The following VPS8 variants were observed in gnomAD, a reference collection of about 807,000 sequenced individuals.
The protein encoded by VPS8 is vacuolar protein sorting-associated protein 8 homolog.
Under a neutral mutation model 216.4 loss-of-function variants are expected in VPS8, and 129 were observed. That is an observed-to-expected ratio of 0.60 (90% confidence interval 0.52 to 0.69). The LOEUF is 0.69. Ranked by LOEUF, VPS8 falls within the 30% of genes least tolerant of loss-of-function variation. VPS8 has a pLI of 0.00. For synonymous variants in VPS8, 571 were observed against 565.4 expected (o/e 1.01, Z -0.14); for missense variants, 1,531 against 1,683.5 (o/e 0.91, Z 1.59).
At chr3:184,886,514 CACACAT>C (rs1361353593) in intron 22 of VPS8, among the ~76,000 whole-genome samples, 1 of 149,380 alleles carries the variant, frequency 6.7e-6, no homozygotes, top group Non-Finnish European at 1.5e-5. Context: ...TATATACACA[CACACAT>C]ACACATATAC....
In VPS8 at chr3:184,849,102, T is replaced by C; in HGVS notation, c.573T>C (p.Gly191=). The C allele has an allele frequency of 6.2e-7, 1 of 1,613,522 alleles. No individual in the cohort carries two copies. The highest frequency in any genetic ancestry group is 8.5e-7 in the Non-Finnish European group (1 of 1,179,546). ...ATCAAGCTTTGCGACTCTGTCTGGG[T>C]AGCACTAGTGTTGGAGGTCAGTATG... ...DQNQALRLCL[G]STSVGGQYGA... Residue 191 remains glycine, a synonymous_variant, in exon 9 of 48, where the codon GGT becomes GGC. Coordinates refer to ENST00000625842, the MANE Select transcript of VPS8 (RefSeq NM_001009921.3).
chr3:184,982,480 C>A, intron 40 of VPS8, 86 bp from the exon 41 acceptor site: 2 of 911,654 alleles, frequency 2.2e-6, no homozygotes, highest in Non-Finnish European at 3.4e-6. Context: ...ACCTGTAAAA[C>A]ATCATGCTGA....
intron 23 of VPS8, among the ~76,000 whole-genome samples, chr3:184,895,397 A>G (rs375488255): frequency 6.6e-6 from 1 of 152,008 alleles, no homozygotes; most frequent in East Asian, 1.9e-4. Flanking sequence ...AATACAGAGC[A>G]TGGTATATAA....
At chr3:185,033,334 A>G (rs975855296) in intron 46 of VPS8, among the ~76,000 whole-genome samples, 2 of 152,178 alleles carry the variant, frequency 1.3e-5, no homozygotes, top group Non-Finnish European at 2.9e-5. Flanking sequence ...TCTTTTTACT[A>G]TATCCATAGT....
chr3:184,958,372 A>T (rs993522007), intron 37 of VPS8, among the ~76,000 whole-genome samples: 1 of 152,194 alleles, frequency 6.6e-6, no homozygotes, highest in African/African-American at 2.4e-5. Flanking sequence ...AATAAAAGAC[A>T]TTTCTATAGA....
Position 184,926,540 on chromosome 3 carries a change from A to T in VPS8, c.2575-54A>T. 4 of 1,493,584 alleles carry T rather than the reference A, an allele frequency of 2.7e-6. No homozygotes were observed. In the South Asian group the frequency reaches 5.0e-5, roughly 19 times the overall value. The allele number at this position is 1,493,584 out of a possible 1,614,324, so 92.5% of individuals were successfully genotyped here. A position where few individuals can be genotyped will look rare whatever the true frequency, so the allele number is the denominator to read the frequency against. ...GGGTAGTTATTATTTTTATTATGAGAGTATTAATGTCTAGATGCTGATATC... is the reference window on the plus strand; with the variant it reads ...GGGTAGTTATTATTTTTATTATGAGTGTATTAATGTCTAGATGCTGATATC... On this transcript the variant is annotated intron_variant, in intron 30 of 47. Transcript: ENST00000625842.
rs973567695 is a variant in VPS8, at chr3:184,920,178, A to C, written c.2434A>C (p.Ile812Leu). Residue 812 changes from isoleucine (I) to leucine (L), a missense_variant, in exon 29 of 48, where the codon ATT (isoleucine) becomes CTT (leucine). Physicochemically the swap from Ile to Leu is conservative, Grantham distance 5. This residue lies in a region of VPS8 where 1,318 missense variants were observed against 1,468.4 expected (regional missense o/e 0.90). Coordinates refer to ENST00000625842, the MANE Select transcript of VPS8 (RefSeq NM_001009921.3). ...GCAAGCTGTGGAATATCAACAGCGA[A>C]TTGTGGATATTTTGTTGAAAGTAAG... ...DKQAVEYQQR[I>L]VDILLKVMVE... The C allele has an allele frequency of 7.2e-6, 11 of 1,524,240 alleles. No homozygotes were observed. The highest frequency in any genetic ancestry group is 1.4e-5 in the African/African-American group (1 of 72,094). 94.4% of individuals were successfully genotyped at this position (1,524,240 alleles called of 1,614,324 possible).
At chr3:184,993,150 A>G (rs1752137842) in intron 42 of VPS8, among the ~76,000 whole-genome samples, 1 of 152,178 alleles carries the variant, frequency 6.6e-6, no homozygotes, top group Admixed American at 6.5e-5. Context: ...TGCTCACAAT[A>G]TACCATTGAA....
At chr3:184,884,428 T>C (rs1730835336) in intron 21 of VPS8, among the ~76,000 whole-genome samples, 2 of 152,194 alleles carry the variant, frequency 1.3e-5, no homozygotes, top group Admixed American at 1.3e-4. Flanking sequence ...CTGCATAGTA[T>C]TTTCAGGATC....
chr3:184,986,879 T>C (rs567573851), intron 42 of VPS8, among the ~76,000 whole-genome samples: 3 of 152,354 alleles, frequency 2.0e-5, no homozygotes, highest in Non-Finnish European at 4.4e-5. Context: ...GTTAACATTT[T>C]TGTATTAGTG....
chr3:184,976,829 G>T (rs1293494596), intron 40 of VPS8, among the ~76,000 whole-genome samples: 1 of 152,178 alleles, frequency 6.6e-6, no homozygotes, highest in African/African-American at 2.4e-5. Flanking sequence ...ATTCCATGGT[G>T]TATATGTAAC....
intron 1 of VPS8, among the ~76,000 whole-genome samples, chr3:184,813,095 G>C (rs868468453): frequency 1.3e-5 from 2 of 152,152 alleles, no homozygotes; most frequent in Non-Finnish European, 2.9e-5. Context: ...CAAAATGGGG[G>C]TGCTTTACAG....
intron 1 of VPS8, among the ~76,000 whole-genome samples, chr3:184,814,661 A>G (rs564549947): frequency 5.3e-5 from 8 of 152,296 alleles, no homozygotes; most frequent in Non-Finnish European, 1.0e-4. Context: ...GGCACTTACC[A>G]TGGATGGAGT....
At chr3:184,819,507 C>T (rs1717081962) in intron 1 of VPS8, among the ~76,000 whole-genome samples, 1 of 152,248 alleles carries the variant, frequency 6.6e-6, no homozygotes, top group Non-Finnish European at 1.5e-5. Context: ...TAAGGGATAG[C>T]TGAAGCAGGA....
intron 42 of VPS8, among the ~76,000 whole-genome samples, chr3:184,990,847 A>T (rs1341654149): frequency 6.6e-6 from 1 of 152,182 alleles, no homozygotes; most frequent in Non-Finnish European, 1.5e-5. Flanking sequence ...AGAAGTGGTC[A>T]CATGATAAGA....
Position 184,854,184 on chromosome 3 carries a change from C to T in VPS8, c.1035+11C>T. The T allele has an allele frequency of 6.2e-7, 1 of 1,613,384 alleles. No individual in the cohort carries two copies. The highest frequency in any genetic ancestry group is 8.5e-7 in the Non-Finnish European group (1 of 1,179,562). On this transcript the variant is annotated intron_variant, in intron 13 of 47. Transcript: ENST00000625842. ...TTTCCCTATGGCCGGGTGAGTACGTCCCTCCATCTTATTTGCCAAAGGAAG... is the reference window on the plus strand; with the variant it reads ...TTTCCCTATGGCCGGGTGAGTACGTTCCTCCATCTTATTTGCCAAAGGAAG...
intron 23 of VPS8, among the ~76,000 whole-genome samples, chr3:184,896,899 G>A (rs1733591007): frequency 6.6e-6 from 1 of 152,184 alleles, no homozygotes; most frequent in Non-Finnish European, 1.5e-5. Flanking sequence ...TGAGGAGGCA[G>A]CATTGAGTCT....
intron 15 of VPS8, among the ~76,000 whole-genome samples, chr3:184,860,426 T>C (rs1726103574): frequency 6.7e-6 from 1 of 148,836 alleles, no homozygotes; most frequent in Non-Finnish European, 1.5e-5. Context: ...TATATATGTA[T>C]ATATGTGTGT....
intron 1 of VPS8, among the ~76,000 whole-genome samples, chr3:184,819,252 C>T (rs1329858540): frequency 1.3e-5 from 2 of 152,158 alleles, no homozygotes; most frequent in African/African-American, 4.8e-5. Flanking sequence ...GAAGAGACAG[C>T]ATACTGGGTA....
Sources: gnomAD v4.1 joint callset for allele counts (sites outside exome capture counted in the v4.1 genomes callset) on GRCh38, gnomAD v4.1.1 for gene constraint, gnomAD v4.1.1 regional missense constraint, MANE v1.5 for transcripts, NCBI Gene and HGNC (gene_info 2026-07-23, HGNC 2026-07-21) for gene names.